The following SYNJ2 variants were observed in gnomAD, a reference collection of about 807,000 sequenced individuals.
SYNJ2 encodes the protein synaptojanin 2.
Under a neutral mutation model 141.3 loss-of-function variants are expected in SYNJ2, and 116 were observed. That is an observed-to-expected ratio of 0.82 (90% CI 0.71 to 0.96). SYNJ2 has a LOEUF of 0.96. Among genes scored for constraint, SYNJ2 ranks in the 40% least tolerant of loss-of-function variants. SYNJ2 has a pLI of 0.00. For synonymous variants in SYNJ2, 745 were observed against 777.7 expected (o/e 0.96, Z 0.70); for missense variants, 1,873 against 1,934.8 (o/e 0.97, Z 0.60).
chr6:158,029,030 A>AGGCCCTGGGTCCCCTGCAGAGGGTG lies in SYNJ2; in HGVS notation c.485+16_485+40dup, dbSNP rs752201222. The stretch of plus-strand genomic sequence containing the variant: ...AATGGGGGAACTCCTTCTTCTGGTG[A>AGGCCCTGGGTCCCCTGCAGAGGGTG]GGCCCTGGGTCCCCTGCAGAGGGTG... On this transcript the variant is annotated splice_donor_region_variant and intron_variant, in intron 3 of 26. Transcript: ENST00000355585. 1.8e-5 allele frequency: 22 copies of AGGCCCTGGGTCCCCTGCAGAGGGTG among 1,237,704 alleles called. No homozygotes were observed. The African/African-American group carries it at 3.7e-4, about 21-fold the overall frequency. 76.7% of individuals were successfully genotyped at this position (1,237,704 alleles called of 1,614,324 possible).
rs1782918631 is a variant in SYNJ2, at chr6:158,084,636, C to G, written c.3208+462C>G. ...CCTGGCCAACATGGTGAAACCCTGT[C>G]TCTACTAAAAATATTTTTTAAAAAT... is the stretch of plus-strand genomic sequence containing the variant. On this transcript the variant is annotated intron_variant, in intron 22 of 26. Transcript: ENST00000355585. This position sits in a 1 kb window ranked among gnomAD's most constrained non-coding sequence, Gnocchi z 5.0. Among the ~76,000 whole-genome samples the G allele has an allele frequency of 6.6e-6, 1 of 151,936 alleles. No homozygotes were observed. Among genetic ancestry groups the G allele is most frequent in the Non-Finnish European group, 1.5e-5 (1 of 68,010 alleles).
intron 25 of SYNJ2, among the ~76,000 whole-genome samples, chr6:158,091,466 G>A (rs1242807182): frequency 6.7e-6 from 1 of 150,324 alleles, no homozygotes; most frequent in Admixed American, 6.6e-5. Context: ...ATGGGGCTGG[G>A]TGCTGGGTGC....
At chr6:158,023,731 G>A (rs1778896658) in intron 2 of SYNJ2, among the ~76,000 whole-genome samples, 1 of 152,156 alleles carries the variant, frequency 6.6e-6, no homozygotes, top group South Asian at 2.1e-4. Context: ...CAGACAAAGG[G>A]ACAGTTCAAA....
chr6:158,019,586 C>T (rs570348447), intron 2 of SYNJ2, among the ~76,000 whole-genome samples: 64 of 152,282 alleles, frequency 4.2e-4, no homozygotes, highest in African/African-American at 1.4e-3. Context: ...CTGCCCTAGG[C>T]GAGGCCTCCT....
intron 1 of SYNJ2, among the ~76,000 whole-genome samples, chr6:157,990,479 ATG>A (rs939271628): frequency 3.9e-5 from 6 of 152,136 alleles, no homozygotes; most frequent in Non-Finnish European, 7.4e-5. Context: ...ATGAAGATGC[ATG>A]TCCCCAGGGG....
chr6:158,026,018 G>A (rs1779028039), intron 2 of SYNJ2, among the ~76,000 whole-genome samples: 1 of 140,904 alleles, frequency 7.1e-6, no homozygotes, highest in South Asian at 2.5e-4. Flanking sequence ...CATACATACA[G>A]GGTACAGCAA....
intron 18 of SYNJ2, 66 bp from the exon 19 acceptor site, chr6:158,081,043 C>T: frequency 6.7e-7 from 1 of 1,484,072 alleles, no homozygotes. Context: ...TAACTGGGGA[C>T]TGGAGGCCGG....
intron 1 of SYNJ2, among the ~76,000 whole-genome samples, chr6:157,989,424 AT>A (rs1320215364): frequency 1.1e-5 from 1 of 91,626 alleles, no homozygotes; most frequent in Non-Finnish European, 2.2e-5. Flanking sequence ...ATGTAAAAAA[AT>A]GAATATATAT....
intron 1 of SYNJ2, among the ~76,000 whole-genome samples, chr6:158,002,544 C>T (rs911346311): frequency 3.3e-5 from 5 of 152,130 alleles, no homozygotes; most frequent in African/African-American, 4.8e-5. Context: ...AACCTGCAGC[C>T]GCAGGACCTA....
chr6:158,008,115 G>T (rs1778139171), intron 1 of SYNJ2, among the ~76,000 whole-genome samples: 1 of 152,104 alleles, frequency 6.6e-6, no homozygotes, highest in Admixed American at 6.5e-5. Context: ...TATCTGCCTG[G>T]TGTGTGTAGA....
At chr6:158,009,143 C>T (rs1246046577) in intron 1 of SYNJ2, among the ~76,000 whole-genome samples, 1 of 152,226 alleles carries the variant, frequency 6.6e-6, no homozygotes, top group Non-Finnish European at 1.5e-5. Context: ...TCTCAGACAA[C>T]ACCATCTAAA....
At chr6:157,993,810 T>G (rs1201470659) in intron 1 of SYNJ2, among the ~76,000 whole-genome samples, 4 of 107,720 alleles carry the variant, frequency 3.7e-5, no homozygotes, top group Non-Finnish European at 5.9e-5. Flanking sequence ...TTTTTTTTTT[T>G]TTTTTTTTTT....
At chr6:158,035,967 GA>G (rs71777302) in intron 4 of SYNJ2, among the ~76,000 whole-genome samples, 10,817 of 116,686 alleles carry the variant, frequency 0.093, 1,237 homozygotes, top group African/African-American at 0.28. Flanking sequence ...AAATTTCCAA[GA>G]AAAAAAAAAA....
chr6:158,029,148 A>G, intron 3 of SYNJ2, 122 bp downstream of exon 3: 1 of 1,342,484 alleles, frequency 7.4e-7, no homozygotes, highest in Non-Finnish European at 1.0e-6. Flanking sequence ...GCACCTCTGG[A>G]GAGTTAGGAC....
chr6:158,077,397 G>A (rs1782372753), intron 17 of SYNJ2, among the ~76,000 whole-genome samples: 4 of 152,140 alleles, frequency 2.6e-5, no homozygotes, highest in Admixed American at 2.6e-4. Flanking sequence ...TTTCTGGGTG[G>A]GGAAAGCGGG....
intron 4 of SYNJ2, among the ~76,000 whole-genome samples, chr6:158,038,422 T>C (rs890937956): frequency 4.6e-5 from 7 of 152,126 alleles, no homozygotes; most frequent in Admixed American, 1.3e-4. Context: ...ACTTAACCCA[T>C]GGTGACTTCG....
At chr6:158,006,871 C>A (rs898723932) in intron 1 of SYNJ2, among the ~76,000 whole-genome samples, 1 of 128,158 alleles carries the variant, frequency 7.8e-6, no homozygotes, top group Non-Finnish European at 1.6e-5. Flanking sequence ...TGGGGTTTCA[C>A]CATGCTGGCC....
In SYNJ2 at chr6:157,982,361, C is replaced by A. The variant is rs1006082808; in HGVS notation, c.127+273C>A. 6.6e-6 allele frequency among the ~76,000 whole-genome samples: 1 copy of A among 152,212 alleles called. No homozygotes were observed. The highest frequency in any genetic ancestry group is 1.9e-4 in the East Asian group (1 of 5,192). On this transcript the variant is annotated intron_variant, in intron 1 of 26. Transcript: ENST00000355585. The surrounding 1 kb of genome is among the most constrained non-coding windows in gnomAD (Gnocchi z 4.0). ...CCAGAGGATATGGTTGCTGGATAGC[C>A]GGCTGGGGCGCTTTGCGTATTCATG...
intron 1 of SYNJ2, among the ~76,000 whole-genome samples, chr6:158,008,971 A>G (rs1778166982): frequency 6.6e-6 from 1 of 152,190 alleles, no homozygotes; most frequent in African/African-American, 2.4e-5. Flanking sequence ...ACCTTCAGTC[A>G]CACTGCCCGC....
Sources: allele counts gnomAD v4.1 joint callset (sites outside exome capture counted in the v4.1 genomes callset), GRCh38; gene constraint gnomAD v4.1.1; non-coding constraint Gnocchi (gnomAD v3.1); transcripts MANE v1.5; gene names NCBI Gene and HGNC (gene_info 2026-07-23, HGNC 2026-07-21).